Variants in TRPS1 observed in about 807,000 individuals in gnomAD.
The protein encoded by TRPS1 is zinc finger transcription factor Trps1.
A neutral mutation model predicts 101.2 loss-of-function variants in TRPS1; 6 were observed. That is an observed-to-expected ratio of 0.06 (90% CI 0.03 to 0.12). The LOEUF is 0.12. Among genes scored for constraint, TRPS1 ranks in the 10% least tolerant of loss-of-function variants. The pLI, the probability that TRPS1 is intolerant of heterozygous loss-of-function variation, is 1.00. For synonymous variants in TRPS1, 578 were observed against 589.8 expected (o/e 0.98, Z 0.29); for missense variants, 1,363 against 1,567.0 (o/e 0.87, Z 2.20).
chr8:115,599,529 C>T (rs1817862041), intron 4 of TRPS1, among the ~76,000 whole-genome samples: 1 of 152,012 alleles, frequency 6.6e-6, no homozygotes, highest in African/African-American at 2.4e-5. Flanking sequence ...GTGATGTCCC[C>T]CTCCACACCG....
chr8:115,620,210 A>G (rs1401871263), intron 2 of TRPS1, 150 bp from the exon 3 acceptor site: 1 of 740,682 alleles, frequency 1.4e-6, no homozygotes, highest in Non-Finnish European at 2.1e-6. Context: ...TTCTAAAAAC[A>G]GCAAAAAGTT....
intron 5 of TRPS1, among the ~76,000 whole-genome samples, chr8:115,469,808 G>C (rs996393347): frequency 6.6e-6 from 1 of 152,038 alleles, no homozygotes; most frequent in African/African-American, 2.4e-5. Context: ...GGATTACAAG[G>C]GTGAGCCACC....
intron 5 of TRPS1, among the ~76,000 whole-genome samples, chr8:115,547,133 C>G (rs1816592654): frequency 6.6e-6 from 1 of 151,988 alleles, no homozygotes; most frequent in South Asian, 2.1e-4. Flanking sequence ...ATAATTCATG[C>G]CTGATAAAAT....
At chr8:115,426,751 A>C (rs1381834077) in intron 5 of TRPS1, among the ~76,000 whole-genome samples, 1 of 152,152 alleles carries the variant, frequency 6.6e-6, no homozygotes, top group African/African-American at 2.4e-5. Context: ...CCCTCACAAA[A>C]TGTATCCAAA....
rs906031101 is a variant in TRPS1 at position 115,409,210 on chromosome 8, G to A, written c.*4813C>T. ...ATATATTTTTCAATTTTACAGCTGA[G>A]GAACCTGAGGCACAAAAAGAAAAAG... is the stretch of plus-strand genomic sequence containing the variant. On this transcript the variant is annotated 3_prime_UTR_variant, in exon 7 of 7. Coordinates refer to ENST00000395715, the MANE Select transcript of TRPS1 (RefSeq NM_014112.5). The A allele has an allele frequency of 7.5e-6, 1 of 132,600 alleles. No homozygotes were observed. The highest frequency in any genetic ancestry group is 2.9e-5 in the African/African-American group (1 of 34,902). The allele number at this position is 132,600 out of a possible 1,614,324, so 8.2% of individuals were successfully genotyped here.
rs1200647808 is a variant in TRPS1, at chr8:115,620,176, C to G, written c.38-116G>C. On this transcript the variant is annotated intron_variant, in intron 2 of 6. Transcript: ENST00000395715. ...TTTAAGGTGCATAATCAAATGCTTC[C>G]TCTAGGAAAAAAAAAAAAACCCATT... 8.9e-5 allele frequency: 84 copies of G among 939,142 alleles called. 1 individual carries two copies. Among genetic ancestry groups the G allele is most frequent in the Middle Eastern group, 8.9e-4 (3 of 3,374 alleles). 58.2% of individuals were successfully genotyped at this position (939,142 alleles called of 1,614,324 possible).
intron 5 of TRPS1, among the ~76,000 whole-genome samples, chr8:115,570,543 C>A (rs1183928748): frequency 6.6e-6 from 1 of 152,012 alleles, no homozygotes; most frequent in Non-Finnish European, 1.5e-5. Flanking sequence ...AGCTCTCAGT[C>A]TGCTAAAGGA....
chr8:115,667,539 G>A (rs778231698), intron 1 of TRPS1, among the ~76,000 whole-genome samples: 2 of 152,170 alleles, frequency 1.3e-5, no homozygotes, highest in African/African-American at 4.8e-5. Context: ...CCTGACCCGC[G>A]CGACACATGG....
At chr8:115,478,779 G>A (rs1168202514) in intron 5 of TRPS1, among the ~76,000 whole-genome samples, 1 of 151,046 alleles carries the variant, frequency 6.6e-6, no homozygotes, top group African/African-American at 2.4e-5. Flanking sequence ...ACTCCAGCTT[G>A]GGCGAGAGTG....
At chr8:115,417,376 T>G (rs907191265) in intron 6 of TRPS1, among the ~76,000 whole-genome samples, 1 of 152,154 alleles carries the variant, frequency 6.6e-6, no homozygotes, top group Admixed American at 6.5e-5. Flanking sequence ...ATGGTCCATA[T>G]ATGAGAACAT....
intron 3 of TRPS1, among the ~76,000 whole-genome samples, chr8:115,607,160 A>G (rs1818057756): frequency 6.6e-6 from 1 of 152,134 alleles, no homozygotes; most frequent in Admixed American, 6.6e-5. Flanking sequence ...AAGAGCATAC[A>G]TATACTTAAG....
At position 115,568,646 on chromosome 8, in the gene TRPS1, CT is replaced by C. The variant is rs138126141; in HGVS notation, c.2700+18354del. Among the ~76,000 whole-genome samples the C allele has an allele frequency of 7.8e-4, 118 of 152,132 alleles. 1 individual carries two copies. The highest frequency in any genetic ancestry group is 2.7e-3 in the African/African-American group (114 of 41,548). ...TCAGAAAATTTTTTTCCACAAATGG[CT>C]TTTTTAGGAAAAAAAATTATAATTA... On this transcript the variant is annotated intron_variant, in intron 5 of 6. Coordinates refer to ENST00000395715, the MANE Select transcript of TRPS1 (RefSeq NM_014112.5).
chr8:115,564,938 T>C (rs1817032492), intron 5 of TRPS1, among the ~76,000 whole-genome samples: 1 of 152,108 alleles, frequency 6.6e-6, no homozygotes, highest in African/African-American at 2.4e-5. Flanking sequence ...GAAAAGACTG[T>C]CATTAAAAAG....
intron 3 of TRPS1, among the ~76,000 whole-genome samples, chr8:115,613,670 A>G (rs920728001): frequency 2.6e-5 from 4 of 152,186 alleles, no homozygotes; most frequent in African/African-American, 9.7e-5. Flanking sequence ...TTAAATGGAC[A>G]TAAGGTTAGT....
intron 2 of TRPS1, 88 bp downstream of exon 2, chr8:115,623,513 T>C: frequency 6.7e-7 from 1 of 1,496,608 alleles, no homozygotes; most frequent in Non-Finnish European, 9.2e-7. Context: ...TTATTATCTC[T>C]AAGACAAATA....
intron 1 of TRPS1, among the ~76,000 whole-genome samples, chr8:115,660,703 T>C (rs1426053388): frequency 1.3e-5 from 2 of 151,926 alleles, no homozygotes; most frequent in Non-Finnish European, 2.9e-5. Flanking sequence ...TAGCTAACAA[T>C]AAATCATTTG....
At chr8:115,516,434 T>C (rs1393787565) in intron 5 of TRPS1, among the ~76,000 whole-genome samples, 1 of 151,562 alleles carries the variant, frequency 6.6e-6, no homozygotes, top group Non-Finnish European at 1.5e-5. Context: ...ATATGCTTTA[T>C]GAAAATCATG....
intron 5 of TRPS1, among the ~76,000 whole-genome samples, chr8:115,563,184 G>T (rs1395033011): frequency 3.3e-5 from 5 of 152,010 alleles, no homozygotes; most frequent in Non-Finnish European, 7.4e-5. Context: ...AAAAAGAACT[G>T]CAAGTCCTTT....
intron 5 of TRPS1, among the ~76,000 whole-genome samples, chr8:115,583,878 A>T (rs1817507620): frequency 1.3e-5 from 2 of 152,052 alleles, no homozygotes; most frequent in Admixed American, 1.3e-4. Context: ...ACAAAACTAA[A>T]AGCCAAACAC....
Sources: allele counts gnomAD v4.1 joint callset (sites outside exome capture counted in the v4.1 genomes callset), GRCh38; gene constraint gnomAD v4.1.1; transcripts MANE v1.5; gene names NCBI Gene and HGNC (gene_info 2026-07-23, HGNC 2026-07-21).